C10orf53: variants seen among roughly 807,000 people sequenced by gnomAD.
C10orf53 encodes chromosome 10 open reading frame 53.
In C10orf53, 8 loss-of-function variants were observed where a neutral mutation model predicts 9.4. That is an observed-to-expected ratio of 0.85 (90% confidence interval 0.50 to 1.53). C10orf53 has a LOEUF of 1.53. Ranked by LOEUF, C10orf53 falls within the 40% of genes most tolerant of loss-of-function variation. The pLI is 0.00. For missense variants in C10orf53, 117 were observed against 117.8 expected, an observed-to-expected ratio of 0.99 and a Z score of 0.03; for synonymous variants, 48 against 46.0, an observed-to-expected ratio of 1.04 and a Z score of -0.18.
chr10:49,693,984 G>A, intron 2 of C10orf53, 91 bp downstream of exon 2: 1 of 1,563,550 alleles, frequency 6.4e-7, no homozygotes, highest in African/African-American at 1.4e-5. Flanking sequence ...TATCATGCCT[G>A]GATTCAAATT....
chr10:49,708,569 T>G (rs1470427439), exon 3 of C10orf53: 2 of 1,614,172 alleles, frequency 1.2e-6, no homozygotes, highest in South Asian at 2.2e-5. Flanking sequence ...CAGGCCTGGA[T>G]CACATGCTCA....
downstream of C10orf53, among the ~76,000 whole-genome samples, chr10:49,702,365 G>A (rs1258330): frequency 0.38 from 57,021 of 151,972 alleles, 12,776 homozygotes; most frequent in East Asian, 0.81. Context: ...GGGAGTTTCT[G>A]TGAGGATATT....
Position 49,694,922 on chromosome 10 carries a change from A to T in C10orf53, c.*320A>T. On this transcript the variant is annotated 3_prime_UTR_variant, in exon 3 of 3. Transcript: ENST00000374111. ...AAATAACAAGGTGCCATTCCTGACTAATAACACATAGTTGCCAGAAGCATC... is the reference window on the plus strand; with the variant it reads ...AAATAACAAGGTGCCATTCCTGACTTATAACACATAGTTGCCAGAAGCATC... 9.1e-7 allele frequency: 1 copy of T among 1,104,542 alleles called. No homozygotes were observed. Among genetic ancestry groups the T allele is most frequent in the Non-Finnish European group, 1.1e-6 (1 of 905,630 alleles). The allele number at this position is 1,104,542 out of a possible 1,614,324, so 68.4% of individuals were successfully genotyped here.
At chr10:49,694,223 T>C (rs1336292031) in intron 2 of C10orf53, 2 of 577,484 alleles carry the variant, frequency 3.5e-6, no homozygotes, top group Admixed American at 3.3e-5. Flanking sequence ...TTATTTGCTT[T>C]CGAAGCTGCT....
downstream of C10orf53, among the ~76,000 whole-genome samples, chr10:49,700,529 A>G (rs1471291917): frequency 1.3e-5 from 2 of 151,878 alleles, no homozygotes; most frequent in Admixed American, 1.3e-4. Context: ...GCTTGGAAAT[A>G]CTCCGGGTTG....
At chr10:49,700,623 A>G (rs1194703252), downstream of C10orf53, among the ~76,000 whole-genome samples, 1 of 152,174 alleles carries the variant, frequency 6.6e-6, no homozygotes, top group Non-Finnish European at 1.5e-5. Flanking sequence ...ATATCTTTCT[A>G]ACAGTCACAG....
chr10:49,702,534 C>T (rs1840691868), intron 2 of C10orf53, among the ~76,000 whole-genome samples: 1 of 152,132 alleles, frequency 6.6e-6, no homozygotes, highest in Non-Finnish European at 1.5e-5. Context: ...TATCCTCAAG[C>T]CGGGATGTTG....
In C10orf53 at chr10:49,696,603, AGGCGAGACAGTACAC is replaced by A. The variant is rs1270840901; in HGVS notation, c.*2004_*2018del. Among the ~76,000 whole-genome samples the A allele has an allele frequency of 2.0e-5, 3 of 152,216 alleles. No homozygotes were observed. The highest frequency in any genetic ancestry group is 4.8e-5 in the African/African-American group (2 of 41,450). ...CATGACCAGAGCTGAAGGGCAGGTA[AGGCGAGACAGTACAC>A]GGATTCTAAGAAATACCGGAGAAGC... On this transcript the variant is annotated 3_prime_UTR_variant, in exon 3 of 3. Transcript: ENST00000374111.
At chr10:49,709,941 A>G (rs1840750802) in exon 3 of C10orf53, 3 of 127,720 alleles carry the variant, frequency 2.3e-5, no homozygotes, top group Admixed American at 1.7e-4. Context: ...CTGGCACCCT[A>G]TATCTGTGTG....
At chr10:49,691,785 G>C (rs956002768) in intron 1 of C10orf53, among the ~76,000 whole-genome samples, 2 of 152,188 alleles carry the variant, frequency 1.3e-5, no homozygotes, top group Admixed American at 1.3e-4. Context: ...CAGTGTGCTC[G>C]CCTCCTGGGG....
At chr10:49,688,511 A>G (rs1482043232) in intron 1 of C10orf53, among the ~76,000 whole-genome samples, 3 of 152,050 alleles carry the variant, frequency 2.0e-5, no homozygotes, top group Non-Finnish European at 2.9e-5. Flanking sequence ...CCTGAATCAC[A>G]TGAAACAGCA....
At chr10:49,708,066 C>T (rs1454800783) in intron 2 of C10orf53, among the ~76,000 whole-genome samples, 2 of 152,146 alleles carry the variant, frequency 1.3e-5, no homozygotes, top group Non-Finnish European at 2.9e-5. Flanking sequence ...GTGTTCTCCC[C>T]TGCACACTCT....
intron 1 of C10orf53, among the ~76,000 whole-genome samples, chr10:49,689,246 G>A (rs559042240): frequency 5.3e-5 from 8 of 152,282 alleles, no homozygotes; most frequent in African/African-American, 1.9e-4. Flanking sequence ...GGAGGAGCAG[G>A]GGCAGAGGGA....
At chr10:49,686,789 C>T (rs1022875529) in intron 1 of C10orf53, among the ~76,000 whole-genome samples, 5 of 152,212 alleles carry the variant, frequency 3.3e-5, no homozygotes, top group African/African-American at 1.2e-4. Flanking sequence ...CTTATCAAGA[C>T]AATGAGTGCA....
intron 1 of C10orf53, among the ~76,000 whole-genome samples, chr10:49,681,826 T>C (rs1361773118): frequency 6.6e-6 from 1 of 152,204 alleles, no homozygotes; most frequent in Non-Finnish European, 1.5e-5. Context: ...CTCATCCTTA[T>C]AACCTCATTT....
chr10:49,690,985 C>G (rs534650936), intron 1 of C10orf53, among the ~76,000 whole-genome samples: 1 of 152,212 alleles, frequency 6.6e-6, no homozygotes, highest in African/African-American at 2.4e-5. Context: ...TTAGATCCCC[C>G]TTGAAGAATG....
intron 1 of C10orf53, among the ~76,000 whole-genome samples, chr10:49,691,351 G>GA (rs2132880792): frequency 6.6e-6 from 1 of 152,358 alleles, no homozygotes; most frequent in Non-Finnish European, 1.5e-5. Flanking sequence ...GCTTTAGCAA[G>GA]AATCAGACTT....
chr10:49,701,465 C>G (rs1840682426), downstream of C10orf53, among the ~76,000 whole-genome samples: 1 of 152,188 alleles, frequency 6.6e-6, no homozygotes, highest in African/African-American at 2.4e-5. Context: ...TATTGTACTA[C>G]AAATTGTTCC....
Position 49,697,375 on chromosome 10 carries a change from C to T in C10orf53, c.*2773C>T, listed in dbSNP as rs1186849924. 6.6e-6 allele frequency among the ~76,000 whole-genome samples: 1 copy of T among 152,134 alleles called. No homozygotes were observed. The highest frequency in any genetic ancestry group is 1.5e-5 in the Non-Finnish European group (1 of 68,022). On this transcript the variant is annotated 3_prime_UTR_variant, in exon 3 of 3. Transcript: ENST00000374111. The stretch of plus-strand genomic sequence containing the variant: ...CAGAAGCAAGAGACACAGCTTGCTC[C>T]CCATCAAAGGCAAAAGTGCCCTGTG...
Sources: allele counts gnomAD v4.1 joint callset (sites outside exome capture counted in the v4.1 genomes callset), GRCh38; gene constraint gnomAD v4.1.1; transcripts MANE v1.5; gene names NCBI Gene and HGNC (gene_info 2026-07-23, HGNC 2026-07-21).